The following DGKG variants were observed in gnomAD, a reference collection of about 807,000 sequenced individuals.
The protein encoded by DGKG is DAG kinase gamma.
In DGKG, 78 loss-of-function variants were observed where a neutral mutation model predicts 105.3. The observed-to-expected ratio is 0.74, with a 90% CI of 0.62 to 0.89. The LOEUF (loss-of-function observed/expected upper bound fraction) is 0.89, where lower values mean the gene tolerates loss of function less well. Ranked by LOEUF, DGKG falls within the 40% of genes least tolerant of loss-of-function variation. DGKG has a pLI of 0.00. For synonymous variants in DGKG, 346 were observed against 367.1 expected (o/e 0.94, Z 0.66); for missense variants, 958 against 1,020.1 (o/e 0.94, Z 0.83).
At position 186,211,527 on chromosome 3, in the gene DGKG, C is replaced by T. The variant is rs142575000; in HGVS notation, c.1917+268G>A. Among the ~76,000 whole-genome samples the T allele has an allele frequency of 2.8e-3, 432 of 152,218 alleles. 3 individuals are homozygous for T. The highest frequency in any genetic ancestry group is 9.0e-3 in the Admixed American group (137 of 15,288). ...CAGAAAAGAGGGAATCGCAAGGCCA[C>T]GGTGGAAGGAGGGCTGAGGGCTGGA... On this transcript the variant is annotated intron_variant, in intron 21 of 24. Coordinates refer to ENST00000265022, the MANE Select transcript of DGKG (RefSeq NM_001346.3).
chr3:186,357,697 C>T (rs1364985098), intron 1 of DGKG, among the ~76,000 whole-genome samples: 1 of 152,222 alleles, frequency 6.6e-6, no homozygotes, highest in Non-Finnish European at 1.5e-5. Flanking sequence ...CACCATCCCT[C>T]CTTTATCTTT....
chr3:186,236,504 C>G (rs190834664), intron 20 of DGKG, among the ~76,000 whole-genome samples: 2 of 152,316 alleles, frequency 1.3e-5, no homozygotes, highest in East Asian at 3.9e-4. Context: ...TTAACTTGCC[C>G]AAGGTCACAT....
chr3:186,193,321 A>C (rs1717997148), intron 21 of DGKG, among the ~76,000 whole-genome samples: 1 of 152,178 alleles, frequency 6.6e-6, no homozygotes, highest in Admixed American at 6.5e-5. Flanking sequence ...TCTGAGGTTT[A>C]ATTTGTCATC....
At chr3:186,304,743 G>A (rs1318215439) in intron 3 of DGKG, among the ~76,000 whole-genome samples, 6 of 152,168 alleles carry the variant, frequency 3.9e-5, no homozygotes, top group Admixed American at 1.3e-4. Flanking sequence ...CACAAACTTC[G>A]AGGCTTTTTT....
At chr3:186,247,677 C>A (rs961469085) in intron 19 of DGKG, among the ~76,000 whole-genome samples, 2 of 152,104 alleles carry the variant, frequency 1.3e-5, no homozygotes, top group Admixed American at 6.5e-5. Context: ...AGCATACAAA[C>A]CCTGCAAACA....
intron 20 of DGKG, among the ~76,000 whole-genome samples, chr3:186,222,594 G>A (rs1719640213): frequency 6.6e-6 from 1 of 152,226 alleles, no homozygotes; most frequent in African/African-American, 2.4e-5. Context: ...TGTAATCCCA[G>A]CACTTTGGGA....
Position 186,284,671 on chromosome 3 carries a change from G to A in DGKG, c.583C>T (p.Leu195=). Residue 195 remains leucine (L), a synonymous_variant, in exon 7 of 25, where the codon CTG becomes TTG. Transcript: ENST00000265022. This position sits in a 1 kb window ranked among gnomAD's most constrained non-coding sequence, Gnocchi z 4.0. Reference sequence around the variant, plus strand: ...GAGTGAGAACTTACCGCTTGGTCCAGGAGACCGTTCTCATCTGAATCATAG... The same window carrying A: ...GAGTGAGAACTTACCGCTTGGTCCAAGAGACCGTTCTCATCTGAATCATAG... ...RLYDSDENGL[L]DQAEMDCIVN... 1.9e-6 allele frequency: 3 copies of A among 1,613,918 alleles called. No homozygotes were observed. The highest frequency in any genetic ancestry group is 2.5e-6 in the Non-Finnish European group (3 of 1,179,810).
At chr3:186,163,076 G>A (rs974801739) in intron 23 of DGKG, among the ~76,000 whole-genome samples, 3 of 152,150 alleles carry the variant, frequency 2.0e-5, no homozygotes, top group Non-Finnish European at 4.4e-5. Context: ...CATGATTATA[G>A]CTCACTGCAG....
Position 186,288,826 on chromosome 3 carries a change from G to A in DGKG, c.428C>T (p.Pro143Leu), listed in dbSNP as rs1192605265. ...AGACCGAGGGACGGGGGGTTCCAGG[G>A]GGGTCGCAGCCACTTGGTCTTCAGC... ...APAEDQVAAT[P>L]LEPPVPRSSS... Residue 143 changes from proline to leucine, a missense_variant, in exon 6 of 25, where the codon CCC becomes CTC. This residue lies in a region of DGKG where 643 missense variants were observed against 619.5 expected (regional missense o/e 1.04). Transcript: ENST00000265022. The A allele has an allele frequency of 6.2e-7, 1 of 1,610,722 alleles. No homozygotes were observed. Among genetic ancestry groups the A allele is most frequent in the Non-Finnish European group, 8.5e-7 (1 of 1,178,412 alleles).
rs187896616 is a variant in DGKG, at chr3:186,188,143, C to T, written c.2095+59G>A. On this transcript the variant is annotated intron_variant, in intron 22 of 24. Coordinates refer to ENST00000265022, the MANE Select transcript of DGKG (RefSeq NM_001346.3). Reference sequence around the variant, plus strand: ...GCCTTACGAGGCCTGCTGACATCCACCTGAGGGCACCTACTACTGGGCATT... The same window carrying T: ...GCCTTACGAGGCCTGCTGACATCCATCTGAGGGCACCTACTACTGGGCATT... The T allele has an allele frequency of 2.4e-4, 386 of 1,591,368 alleles. 2 individuals are homozygous for T. In the African/African-American group the frequency reaches 4.7e-3, roughly 19 times the overall value.
chr3:186,335,620 G>A (rs1383733217), intron 1 of DGKG, among the ~76,000 whole-genome samples: 1 of 152,158 alleles, frequency 6.6e-6, no homozygotes, highest in Non-Finnish European at 1.5e-5. Flanking sequence ...TAATATCCTT[G>A]TTGGTAGAAA....
At chr3:186,248,301 A>C (rs1721044239) in intron 19 of DGKG, among the ~76,000 whole-genome samples, 1 of 152,244 alleles carries the variant, frequency 6.6e-6, no homozygotes, top group Non-Finnish European at 1.5e-5. Flanking sequence ...GCTGCGCTGT[A>C]ACCTGCTGTC....
chr3:186,154,006 A>G (rs1715903310), intron 24 of DGKG, among the ~76,000 whole-genome samples: 1 of 152,136 alleles, frequency 6.6e-6, no homozygotes, highest in Non-Finnish European at 1.5e-5. Context: ...CTGAGGTGAG[A>G]GGATCGCTTG....
chr3:186,334,361 G>T (rs947577319), intron 1 of DGKG, among the ~76,000 whole-genome samples: 2 of 152,170 alleles, frequency 1.3e-5, no homozygotes, highest in Non-Finnish European at 2.9e-5. Flanking sequence ...TAAACTGATG[G>T]AGGGTGGATT....
chr3:186,193,697 C>T (rs535483842), intron 21 of DGKG, among the ~76,000 whole-genome samples: 5 of 152,324 alleles, frequency 3.3e-5, no homozygotes, highest in Non-Finnish European at 7.4e-5. Context: ...CGCTGTCGGC[C>T]TAAATGGAAC....
chr3:186,268,754 C>G lies in DGKG; in HGVS notation c.1116+47G>C, dbSNP rs535357479. The G allele has an allele frequency of 5.7e-6, 8 of 1,402,318 alleles. No individual in the cohort carries two copies. In the Admixed American group the frequency reaches 6.7e-5, roughly 12 times the overall value. The allele number at this position is 1,402,318 out of a possible 1,614,324, so 86.9% of individuals were successfully genotyped here. The stretch of plus-strand genomic sequence containing the variant: ...CACTGCTCCTGGGCTGCAGCTTGGG[C>G]AAAAAAACGTTGAAAAGAAGCAGGG... On this transcript the variant is annotated intron_variant, in intron 12 of 24. Coordinates refer to ENST00000265022, the MANE Select transcript of DGKG (RefSeq NM_001346.3).
At chr3:186,271,624 C>T (rs973359400) in intron 11 of DGKG, among the ~76,000 whole-genome samples, 17 of 152,316 alleles carry the variant, frequency 1.1e-4, no homozygotes, top group South Asian at 4.1e-4. Flanking sequence ...CAGTGGCCCC[C>T]GGCTGCACAG....
Position 186,147,614 on chromosome 3 carries a change from G to T in DGKG, c.*2476C>A. 8.1e-6 allele frequency: 8 copies of T among 985,438 alleles called. No homozygotes were observed. The highest frequency in any genetic ancestry group is 9.6e-6 in the Non-Finnish European group (8 of 829,920). The allele number at this position is 985,438 out of a possible 1,614,324, so 61.0% of individuals were successfully genotyped here. A position where few individuals can be genotyped will look rare whatever the true frequency, so the allele number is the denominator to read the frequency against. ...TGGGATATGTCTCTCAAGCAACATT[G>T]CAAGTCCTGTGCACTAGGGTGCAGC... On this transcript the variant is annotated 3_prime_UTR_variant, in exon 25 of 25. Coordinates refer to ENST00000265022, the MANE Select transcript of DGKG (RefSeq NM_001346.3).
intron 21 of DGKG, among the ~76,000 whole-genome samples, chr3:186,206,479 G>A (rs1718744109): frequency 6.6e-6 from 1 of 152,074 alleles, no homozygotes; most frequent in Non-Finnish European, 1.5e-5. Context: ...TAAAATAAGT[G>A]CTTGAGTTGA....
Sources: gnomAD v4.1 joint callset for allele counts (sites outside exome capture counted in the v4.1 genomes callset) on GRCh38, gnomAD v4.1.1 for gene constraint, gnomAD v4.1.1 regional missense constraint, Gnocchi (gnomAD v3.1) non-coding constraint, MANE v1.5 for transcripts, NCBI Gene and HGNC (gene_info 2026-07-23, HGNC 2026-07-21) for gene names.